The following PHYHIPL variants were observed in gnomAD, a reference collection of about 807,000 sequenced individuals.
PHYHIPL encodes phytanoyl-CoA hydroxylase-interacting protein-like.
A neutral mutation model predicts 33.4 loss-of-function variants in PHYHIPL; 9 were observed. That is an observed-to-expected ratio of 0.27 (90% confidence interval 0.16 to 0.47). PHYHIPL has a LOEUF of 0.47. PHYHIPL is among the 20% of genes least tolerant of loss of function. The probability of loss-of-function intolerance (pLI) is 0.99; values close to 1 mark genes in which losing one functional copy is unlikely to be tolerated. For missense variants in PHYHIPL, 365 were observed against 460.7 expected, an observed-to-expected ratio of 0.79 and a Z score of 1.90; for synonymous variants, 153 against 154.1, an observed-to-expected ratio of 0.99 and a Z score of 0.05.
intron 4 of PHYHIPL, among the ~76,000 whole-genome samples, chr10:59,241,426 T>A (rs761914723): frequency 1.3e-5 from 2 of 152,136 alleles, no homozygotes; most frequent in Non-Finnish European, 2.9e-5. Context: ...ATACTCCAAA[T>A]GAAAACACCA....
intron 3 of PHYHIPL, 85 bp downstream of exon 3, chr10:59,236,742 T>A: frequency 8.4e-7 from 1 of 1,184,042 alleles, no homozygotes; most frequent in East Asian, 2.8e-5. Context: ...TTTGTAATTA[T>A]AAAGTGATAT....
intron 1 of PHYHIPL, among the ~76,000 whole-genome samples, chr10:59,185,382 G>A (rs1455071449): frequency 1.3e-5 from 2 of 152,128 alleles, no homozygotes; most frequent in Non-Finnish European, 2.9e-5. Context: ...CATTTGGGTT[G>A]GTTCCAAGTC....
intron 1 of PHYHIPL, among the ~76,000 whole-genome samples, chr10:59,186,303 C>G (rs1838600190): frequency 6.6e-6 from 1 of 152,162 alleles, no homozygotes; most frequent in African/African-American, 2.4e-5. Context: ...TCTGAGGCCT[C>G]TGTTCTGTTC....
Position 59,245,491 on chromosome 10 carries a change from C to T in PHYHIPL, c.1031C>T (p.Thr344Ile). ...YTDPVDLSVG[T>I]VAEITGHQLM... ...GACCCTGTGGATCTTTCTGTGGGCA[C>T]CGTGGCAGAAATCACTGGTCATCAG... The change falls in exon 5 of 5, where the codon ACC becomes ATC. Residue 344 changes from threonine (T) to isoleucine (I), a missense_variant. By Grantham distance (89) the Thr-to-Ile change is moderately conservative. Transcript: ENST00000373880. 5 of 1,614,138 alleles carry T rather than the reference C, an allele frequency of 3.1e-6. No individual in the cohort carries two copies. The highest frequency in any genetic ancestry group is 4.2e-6 in the Non-Finnish European group (5 of 1,180,006).
intron 1 of PHYHIPL, among the ~76,000 whole-genome samples, chr10:59,221,131 T>C (rs1839760316): frequency 6.6e-6 from 1 of 152,022 alleles, no homozygotes; most frequent in Non-Finnish European, 1.5e-5. Flanking sequence ...CTAGTCTTTC[T>C]TTTTTTAATC....
At chr10:59,177,574 A>G (rs915303219) in intron 1 of PHYHIPL, 11 of 1,551,554 alleles carry the variant, frequency 7.1e-6, no homozygotes, top group African/African-American at 5.5e-5. Flanking sequence ...AGACTGTCGA[A>G]AATATTGGCC....
intron 1 of PHYHIPL, chr10:59,177,399 C>A (rs1279880953): frequency 2.9e-6 from 4 of 1,366,552 alleles, no homozygotes; most frequent in East Asian, 5.0e-5. Context: ...AGAAACTTAT[C>A]ATTTTCTTTT....
intron 1 of PHYHIPL, among the ~76,000 whole-genome samples, chr10:59,183,403 C>G (rs545024041): frequency 1.6e-4 from 24 of 152,110 alleles, no homozygotes; most frequent in Non-Finnish European, 2.9e-4. Flanking sequence ...AAAAAGTCAG[C>G]AATTCTTGTG....
At chr10:59,186,686 G>A (rs1244757438) in intron 1 of PHYHIPL, among the ~76,000 whole-genome samples, 1 of 152,184 alleles carries the variant, frequency 6.6e-6, no homozygotes, top group Non-Finnish European at 1.5e-5. Flanking sequence ...CACATCCCTT[G>A]TAAGTTGGAT....
At chr10:59,173,836 C>T (rs1838205230), upstream of PHYHIPL, among the ~76,000 whole-genome samples, 1 of 137,564 alleles carries the variant, frequency 7.3e-6, no homozygotes, top group Non-Finnish European at 1.5e-5. Context: ...AACAGGGATT[C>T]TAGTTTCTTA....
rs775716557 is a variant in PHYHIPL, at chr10:59,234,305, G to T, written c.108G>T (p.Gly36=). 1.3e-6 allele frequency: 2 copies of T among 1,560,628 alleles called. No homozygotes were observed. The highest frequency in any genetic ancestry group is 2.5e-5 in the South Asian group (2 of 81,602). The change falls in exon 2 of 5, where the codon GGG becomes GGT. Residue 36 remains glycine, a splice_region_variant and synonymous_variant. Coordinates refer to ENST00000373880, the MANE Select transcript of PHYHIPL (RefSeq NM_032439.4). ...TTCCTGTGCATTGTTTTCTTGCAGG[G>T]AACAAATCACAAGACAGTGGCATAG... ...LEAIQLCDRD[G]NKSQDSGIAE...
In PHYHIPL at chr10:59,209,933, A is replaced by G. The variant is rs764749340; in HGVS notation, c.107-24371A>G. The stretch of plus-strand genomic sequence containing the variant: ...AAAAATATACAAAAATTAACTCAAG[A>G]TGGATTAAAGACTTAAATGTAAGAC... On this transcript the variant is annotated intron_variant, in intron 1 of 4. Transcript: ENST00000373880. Among the ~76,000 whole-genome samples, 89 of 152,228 alleles carry G rather than the reference A, an allele frequency of 5.8e-4. 1 individual carries two copies. The highest frequency in any genetic ancestry group is 2.2e-4 in the Non-Finnish European group (15 of 68,036).
At chr10:59,177,241 C>A in intron 1 of PHYHIPL, 1 of 583,192 alleles carries the variant, frequency 1.7e-6, no homozygotes, top group Non-Finnish European at 2.9e-6. Context: ...GACGTTCCCG[C>A]TCGCGGCTCC....
chr10:59,245,688 C>T lies in PHYHIPL; in HGVS notation c.*97C>T, dbSNP rs1341762893. On this transcript the variant is annotated 3_prime_UTR_variant, in exon 5 of 5. Coordinates refer to ENST00000373880, the MANE Select transcript of PHYHIPL (RefSeq NM_032439.4). ...TATCACCAGATGTTTTCCACTGAAG[C>T]ATGCACATGCCACTGTCACCAAAAC... The T allele has an allele frequency of 1.5e-6, 2 of 1,300,378 alleles. No homozygotes were observed. Among genetic ancestry groups the T allele is most frequent in the African/African-American group, 1.5e-5 (1 of 67,538 alleles). 80.6% of individuals were successfully genotyped at this position (1,300,378 alleles called of 1,614,324 possible).
intron 1 of PHYHIPL, among the ~76,000 whole-genome samples, chr10:59,223,688 G>T (rs1839840499): frequency 6.6e-6 from 1 of 151,400 alleles, no homozygotes. Flanking sequence ...TTTGAGACAG[G>T]GTCTCTGTCA....
chr10:59,226,828 G>T (rs868690737), intron 1 of PHYHIPL, among the ~76,000 whole-genome samples: 1 of 151,710 alleles, frequency 6.6e-6, no homozygotes, highest in South Asian at 2.1e-4. Flanking sequence ...TCCAAATTAC[G>T]GTAGAAAAGA....
At chr10:59,184,803 C>A (rs187960349) in intron 1 of PHYHIPL, among the ~76,000 whole-genome samples, 1 of 151,028 alleles carries the variant, frequency 6.6e-6, no homozygotes, top group African/African-American at 2.4e-5. Context: ...CCCCCCCTCC[C>A]CCAACCCCAC....
intron 4 of PHYHIPL, among the ~76,000 whole-genome samples, chr10:59,239,325 A>C (rs1486213437): frequency 9.9e-5 from 15 of 152,042 alleles, no homozygotes; most frequent in Admixed American, 9.2e-4. Flanking sequence ...AGCAACAGGC[A>C]AAAAGAGAGC....
At chr10:59,178,194 T>C (rs1452639509) in intron 1 of PHYHIPL, among the ~76,000 whole-genome samples, 1 of 151,660 alleles carries the variant, frequency 6.6e-6, no homozygotes, top group Non-Finnish European at 1.5e-5. Context: ...AATATAAATT[T>C]ATATTTAATA....
Sources: allele counts gnomAD v4.1 joint callset (sites outside exome capture counted in the v4.1 genomes callset), GRCh38; gene constraint gnomAD v4.1.1; transcripts MANE v1.5; gene names NCBI Gene and HGNC (gene_info 2026-07-23, HGNC 2026-07-21).